The following PLAA variants were observed in gnomAD, a reference collection of about 807,000 sequenced individuals.
PLAA encodes the protein phospholipase A2 activating protein.
In PLAA, 48 loss-of-function variants were observed where a neutral mutation model predicts 84.1. The observed-to-expected ratio is 0.57, with a 90% CI of 0.45 to 0.73. PLAA has a LOEUF of 0.73. Among genes scored for constraint, PLAA ranks in the 30% least tolerant of loss-of-function variants. The pLI, the probability that PLAA is intolerant of heterozygous loss-of-function variation, is 0.00. For missense variants in PLAA, 903 were observed against 954.7 expected (o/e 0.95, Z 0.71); for synonymous variants, 392 against 336.6 (o/e 1.16, Z -1.80).
chr9:26,920,413 G>A (rs764976487), intron 7 of PLAA, 29 bp from the exon 8 acceptor site: 57 of 1,457,938 alleles, frequency 3.9e-5, no homozygotes, highest in Non-Finnish European at 4.9e-5. Flanking sequence ...AGAATCAAAG[G>A]TAGAATGGCA....
At chr9:26,938,722 T>C (rs1287997391) in intron 1 of PLAA, among the ~76,000 whole-genome samples, 1 of 152,142 alleles carries the variant, frequency 6.6e-6, no homozygotes, top group Non-Finnish European at 1.5e-5. Context: ...CGATAGTGGT[T>C]TATAACTCTA....
chr9:26,908,184 T>G (rs1824295583), intron 12 of PLAA, among the ~76,000 whole-genome samples, 186 bp from the exon 13 acceptor site: 1 of 151,024 alleles, frequency 6.6e-6, no homozygotes, highest in South Asian at 2.1e-4. Context: ...TTTTTTTTTT[T>G]TGAGATGGAG....
intron 13 of PLAA, among the ~76,000 whole-genome samples, chr9:26,907,357 G>A (rs570520746): frequency 9.9e-5 from 15 of 150,770 alleles, no homozygotes; most frequent in African/African-American, 3.6e-4. Context: ...GTGAAACCCC[G>A]TCTCTACTAA....
rs897269971 is a variant in PLAA, at chr9:26,943,148, A to G, written c.149+3749T>C. Among the ~76,000 whole-genome samples the G allele has an allele frequency of 3.3e-5, 5 of 152,152 alleles. No homozygotes were observed. The East Asian group carries it at 9.6e-4, about 29-fold the overall frequency. ...CTCCCCACCCAGAAGTCAACGACAG[A>G]CTTGGGAAATGTAATTTAGCTTGAA... On this transcript the variant is annotated intron_variant, in intron 1 of 13. Transcript: ENST00000397292.
chr9:26,913,914 A>T lies in PLAA; in HGVS notation c.1520T>A (p.Met507Lys). ...AGRYVPGSAS[M>K]GTTMAGVDPF... ...ATCAACTCCGGCCATGGTAGTTCCC[A>T]TACTTGCAGAACCTGGTACATAACG... is the stretch of plus-strand genomic sequence containing the variant. Residue 507 changes from methionine (M) to lysine (K), a missense_variant, in exon 11 of 14, where the codon ATG becomes AAG. Transcript: ENST00000397292. The T allele has an allele frequency of 6.2e-7, 1 of 1,612,674 alleles. No homozygotes were observed. Among genetic ancestry groups the T allele is most frequent in the Non-Finnish European group, 8.5e-7 (1 of 1,178,702 alleles).
In PLAA at chr9:26,905,572, G is replaced by A. The variant is rs1460168098; in HGVS notation, c.2327C>T (p.Ser776Phe). The change falls in exon 14 of 14, where the codon TCC (serine) becomes TTC (phenylalanine). Residue 776 changes from serine (S) to phenylalanine (F), a missense_variant. By Grantham distance (155) the Ser-to-Phe change is radical. Coordinates refer to ENST00000397292, the MANE Select transcript of PLAA (RefSeq NM_001031689.3). ...LGVDSQIKKYSSVSEPAKVSE... is the reference protein window; with the variant it reads ...LGVDSQIKKYFSVSEPAKVSE... The stretch of plus-strand genomic sequence containing the variant: ...TACTTTAGCTGGTTCTGATACTGAG[G>A]AATACTTTTTTATTTGAGAATCAAC... 9 of 1,613,772 alleles carry A rather than the reference G, an allele frequency of 5.6e-6. No homozygotes were observed. The highest frequency in any genetic ancestry group is 7.6e-6 in the Non-Finnish European group (9 of 1,179,954).
intron 2 of PLAA, among the ~76,000 whole-genome samples, chr9:26,930,482 G>C (rs1186585647): frequency 6.6e-6 from 1 of 152,062 alleles, no homozygotes; most frequent in Non-Finnish European, 1.5e-5. Context: ...AGCCCCATTA[G>C]CCTGGGTCCC....
chr9:26,920,416 G>T lies in PLAA; in HGVS notation c.1040-32C>A, dbSNP rs762532842. 5 of 1,428,188 alleles carry T rather than the reference G, an allele frequency of 3.5e-6. No individual in the cohort carries two copies. The Admixed American group carries it at 6.0e-5, about 17-fold the overall frequency. The allele number at this position is 1,428,188 out of a possible 1,614,324, so 88.5% of individuals were successfully genotyped here. A position where few individuals can be genotyped will look rare whatever the true frequency, so the allele number is the denominator to read the frequency against. The stretch of plus-strand genomic sequence containing the variant: ...ATAAAAATTTTAAGAATCAAAGGTA[G>T]AATGGCAATGTAAAATTGAAAAACA... On this transcript the variant is annotated intron_variant, in intron 7 of 13. Coordinates refer to ENST00000397292, the MANE Select transcript of PLAA (RefSeq NM_001031689.3).
chr9:26,923,230 T>C lies in PLAA; in HGVS notation c.987A>G (p.Leu329=), dbSNP rs2131386905. ...HATIDSKTGD[L]GDINAEQLPG... is the part of the protein sequence containing the mutation. Reference sequence around the variant, plus strand: ...GAAGCTGCTCAGCATTGATGTCCCCTAAATCGCCAGTTTTAGAATCAATGG... The same window carrying C: ...GAAGCTGCTCAGCATTGATGTCCCCCAAATCGCCAGTTTTAGAATCAATGG... Residue 329 remains leucine, a synonymous_variant, in exon 7 of 14, where the codon TTA becomes TTG. Transcript: ENST00000397292. 1 of 1,613,554 alleles carries C rather than the reference T, an allele frequency of 6.2e-7. No homozygotes were observed. Among genetic ancestry groups the C allele is most frequent in the Non-Finnish European group, 8.5e-7 (1 of 1,179,592 alleles).
At chr9:26,936,942 A>C (rs991919073) in intron 1 of PLAA, among the ~76,000 whole-genome samples, 1 of 152,032 alleles carries the variant, frequency 6.6e-6, no homozygotes. Context: ...GGAGTTGGAG[A>C]CCAGCCTTGC....
intron 12 of PLAA, among the ~76,000 whole-genome samples, chr9:26,908,799 G>GT (rs1227023106): frequency 2.0e-5 from 3 of 152,120 alleles, no homozygotes; most frequent in Non-Finnish European, 4.4e-5. Context: ...TTTCAAAGCA[G>GT]TATCATGTGT....
At chr9:26,941,643 C>A (rs775266346) in intron 1 of PLAA, among the ~76,000 whole-genome samples, 16 of 151,808 alleles carry the variant, frequency 1.1e-4, no homozygotes, top group Non-Finnish European at 1.8e-4. Context: ...GGAGGAAATA[C>A]CTTAAAACAT....
intron 1 of PLAA, among the ~76,000 whole-genome samples, chr9:26,944,802 T>C (rs1259302961): frequency 2.0e-5 from 3 of 152,048 alleles, no homozygotes; most frequent in Non-Finnish European, 2.9e-5. Context: ...GATAAATACA[T>C]ACAGGAATGA....
intron 1 of PLAA, among the ~76,000 whole-genome samples, chr9:26,942,027 G>A (rs1304515093): frequency 1.3e-5 from 2 of 151,950 alleles, no homozygotes. Context: ...AACACTAGAA[G>A]ATGAAATACA....
In PLAA at chr9:26,905,982, G is replaced by A. The variant is rs1824223597; in HGVS notation, c.1917C>T (p.Phe639=). The A allele has an allele frequency of 6.2e-7, 1 of 1,613,810 alleles. No homozygotes were observed. The highest frequency in any genetic ancestry group is 1.3e-5 in the African/African-American group (1 of 74,856). Residue 639 remains phenylalanine (F), a synonymous_variant, in exon 14 of 14, where the codon TTC becomes TTT. Transcript: ENST00000397292. ...TCAGAAGATTGATAAGATGACTGCT[G>A]AACTGAGCCCCTTCCTTTTCATTGC... ...NFCNEKEGAQ[F]SSHLINLLNP...
intron 4 of PLAA, 50 bp downstream of exon 4, chr9:26,928,050 G>T: frequency 6.5e-7 from 1 of 1,548,594 alleles, no homozygotes; most frequent in South Asian, 1.2e-5. Context: ...AAAAAAATCT[G>T]AGCAAATAAA....
intron 4 of PLAA, among the ~76,000 whole-genome samples, chr9:26,927,269 C>A (rs1040833913): frequency 2.0e-5 from 3 of 151,782 alleles, no homozygotes; most frequent in Non-Finnish European, 4.4e-5. Context: ...TACAGGTGTG[C>A]ATCACCACTC....
chr9:26,910,518 T>A (rs1824367417), intron 11 of PLAA, 79 bp from the exon 12 acceptor site: 1 of 1,074,050 alleles, frequency 9.3e-7, no homozygotes, highest in Admixed American at 1.9e-5. Flanking sequence ...GACTTAGTTT[T>A]CACAATTATT....
chr9:26,945,367 A>C (rs1825659541), intron 1 of PLAA, among the ~76,000 whole-genome samples: 1 of 152,204 alleles, frequency 6.6e-6, no homozygotes, highest in Admixed American at 6.5e-5. Flanking sequence ...ACTGGATTCA[A>C]TTTTAAAGGC....
Sources: allele counts gnomAD v4.1 joint callset (sites outside exome capture counted in the v4.1 genomes callset), GRCh38; gene constraint gnomAD v4.1.1; transcripts MANE v1.5; gene names NCBI Gene and HGNC (gene_info 2026-07-23, HGNC 2026-07-21).